The following DVL1 variants were observed in gnomAD, a reference collection of about 807,000 sequenced individuals.
DVL1 encodes segment polarity protein dishevelled homolog DVL-1.
DVL1 carries 49 observed loss-of-function variants against 65.0 expected under a neutral mutation model. The observed-to-expected ratio is 0.75, with a 90% CI of 0.60 to 0.96. DVL1 has a LOEUF of 0.96. DVL1 is among the 40% of genes least tolerant of loss of function. The probability of loss-of-function intolerance (pLI) is 0.00; values close to 1 mark genes in which losing one functional copy is unlikely to be tolerated. For synonymous variants in DVL1, 608 were observed against 433.9 expected (o/e 1.40, Z -4.99); for missense variants, 1,197 against 1,045.4 (o/e 1.15, Z -2.00).
chr1:1,336,240 G>C lies in DVL1; in HGVS notation c.1990C>G (p.Arg664Gly), dbSNP rs760024382. ...TCCGGGGGGACGGCAGCCAGCTCCCGGACAGGGGGTCCCCCGGGTGGCCCC... is the reference window on the plus strand; with the variant it reads ...TCCGGGGGGACGGCAGCCAGCTCCCCGACAGGGGGTCCCCCGGGTGGCCCC... The part of the protein sequence containing the change: ...VGGPPGGPPV[R>G]ELAAVPPELT... The change falls in exon 15 of 15, where the codon CGG becomes GGG. Residue 664 changes from arginine (R) to glycine (G), a missense_variant. Coordinates refer to ENST00000378888, the MANE Select transcript of DVL1 (RefSeq NM_001330311.2). 1 of 1,558,544 alleles carries C rather than the reference G, an allele frequency of 6.4e-7. No individual in the cohort carries two copies. Among genetic ancestry groups the C allele is most frequent in the Non-Finnish European group, 8.6e-7 (1 of 1,157,682 alleles).
At chr1:1,348,113 G>A (rs1458513110) in intron 1 of DVL1, among the ~76,000 whole-genome samples, 1 of 152,206 alleles carries the variant, frequency 6.6e-6, no homozygotes, top group African/African-American at 2.4e-5. Context: ...AGGGACTCAG[G>A]TTACTGGTGG....
chr1:1,336,456 G>C lies in DVL1; in HGVS notation c.1774C>G (p.Arg592Gly). Residue 592 changes from arginine (R) to glycine (G), a missense_variant, in exon 15 of 15, where the codon CGT becomes GGT. By Grantham distance (125) the Arg-to-Gly change is moderately radical (BLOSUM62 -2). Transcript: ENST00000378888. ...SRRAPGREKE[R>G]RAAGAGGSGS... ...CTGCCCCCAGCTCCCGCCGCCCGAC[G>C]CTCCTTCTCACGGCCCGGGGCCCGG... The C allele has an allele frequency of 1.9e-6, 3 of 1,569,374 alleles. No homozygotes were observed. The highest frequency in any genetic ancestry group is 1.7e-6 in the Non-Finnish European group (2 of 1,165,650).
Position 1,339,553 on chromosome 1 carries a change from CCGCCCCGTGTGCCCCGAGGGCCACT to C in DVL1, c.1054+4_1054+28del, listed in dbSNP as rs1643712531. ...GCTAGGTAGGCGCCCCCTCCCCATCCCGCCCCGTGTGCCCCGAGGGCCACTCACCCCGTGGGACGGTGAAGTAGCT... is the reference window on the plus strand; with the variant it reads ...GCTAGGTAGGCGCCCCCTCCCCATCCCACCCCGTGGGACGGTGAAGTAGCT... On this transcript the variant is annotated splice_donor_5th_base_variant and intron_variant, in intron 10 of 14. Transcript: ENST00000378888. 1 of 1,585,354 alleles carries C rather than the reference CCGCCCCGTGTGCCCCGAGGGCCACT, an allele frequency of 6.3e-7. No individual in the cohort carries two copies. The highest frequency in any genetic ancestry group is 8.6e-7 in the Non-Finnish European group (1 of 1,166,712).
chr1:1,343,673 T>C (rs1016478340), intron 1 of DVL1, among the ~76,000 whole-genome samples: 1 of 151,882 alleles, frequency 6.6e-6, no homozygotes, highest in African/African-American at 2.4e-5. Flanking sequence ...CCTGCACCCC[T>C]AGTCAGGCTC....
intron 1 of DVL1, among the ~76,000 whole-genome samples, chr1:1,346,413 C>A (rs909548139): frequency 6.6e-6 from 1 of 152,196 alleles, no homozygotes; most frequent in Non-Finnish European, 1.5e-5. Context: ...CAGTGGGGAC[C>A]CGGAGCCAAA....
intron 5 of DVL1, among the ~76,000 whole-genome samples, chr1:1,340,919 C>A (rs377660686): frequency 5.4e-5 from 8 of 148,344 alleles, no homozygotes; most frequent in African/African-American, 1.8e-4. Flanking sequence ...ACACGCACAC[C>A]TGCACACGCA....
intron 11 of DVL1, among the ~76,000 whole-genome samples, 198 bp from the exon 12 acceptor site, chr1:1,338,851 C>T (rs1643682543): frequency 6.6e-6 from 1 of 152,218 alleles, no homozygotes; most frequent in South Asian, 2.1e-4. Flanking sequence ...GACATTTAGT[C>T]TCCCACTTCT....
Position 1,336,064 on chromosome 1 carries a change from G to A in DVL1, c.*78C>T. ...TGCCTCCCGTCCTGGCCCCCACGAA[G>A]GCAAGCCCACGCGAGCTCTGCATGC... On this transcript the variant is annotated 3_prime_UTR_variant, in exon 15 of 15. Coordinates refer to ENST00000378888, the MANE Select transcript of DVL1 (RefSeq NM_001330311.2). The A allele has an allele frequency of 6.6e-7, 1 of 1,516,130 alleles. No homozygotes were observed. The highest frequency in any genetic ancestry group is 8.8e-7 in the Non-Finnish European group (1 of 1,134,144). 93.9% of individuals were successfully genotyped at this position (1,516,130 alleles called of 1,614,324 possible).
At chr1:1,341,317 C>A (rs573181222) in intron 5 of DVL1, among the ~76,000 whole-genome samples, 19 of 152,236 alleles carry the variant, frequency 1.2e-4, no homozygotes, top group African/African-American at 4.6e-4. Context: ...CACACACAGA[C>A]ATGCGCATCA....
Position 1,342,387 on chromosome 1 carries a change from C to G in DVL1, c.338G>C (p.Gly113Ala). ...CTGGAAGGAGGGGGGCCGGGAGTCC[C>G]CGATGCCGCCTGTCCGCTCAAGAGG... ...PPPLERTGGI[G>A]DSRPPSFHPN... Residue 113 changes from glycine to alanine, a missense_variant, in exon 3 of 15, where the codon GGG (glycine) becomes GCG (alanine). Coordinates refer to ENST00000378888, the MANE Select transcript of DVL1 (RefSeq NM_001330311.2). 6.3e-7 allele frequency: 1 copy of G among 1,587,000 alleles called. No individual in the cohort carries two copies. The highest frequency in any genetic ancestry group is 8.6e-7 in the Non-Finnish European group (1 of 1,168,336).
intron 1 of DVL1, among the ~76,000 whole-genome samples, chr1:1,346,994 G>C (rs1218186608): frequency 6.6e-6 from 1 of 152,160 alleles, no homozygotes; most frequent in Non-Finnish European, 1.5e-5. Context: ...GAGGTCTGCG[G>C]GTAGAACTCA....
intron 14 of DVL1, 45 bp from the exon 15 acceptor site, chr1:1,336,560 C>A (rs149812757): frequency 6.8e-7 from 1 of 1,480,542 alleles, no homozygotes; most frequent in Non-Finnish European, 8.9e-7. Context: ...CAGCACCAGG[C>A]CCGGCCACGT....
chr1:1,336,217 CG>C lies in DVL1; in HGVS notation c.2012del (p.Pro671ArgfsTer3). 2 of 1,558,802 alleles carry C rather than the reference CG, an allele frequency of 1.3e-6. No individual in the cohort carries two copies. Among genetic ancestry groups the C allele is most frequent in the South Asian group, 1.2e-5 (1 of 86,188 alleles). On this transcript the variant is annotated frameshift_variant, in exon 15 of 15. Transcript: ENST00000378888. LOFTEE classifies it high-confidence loss of function. ...PPVRELAAVP[P>X]ELTGSRQSFQ... ...AGGACTGGCGGCTGCCTGTCAATTC[CG>C]GGGGGACGGCAGCCAGCTCCCGGAC...
At position 1,339,584 on chromosome 1, in the gene DVL1, C is replaced by G; in HGVS notation, c.1052G>C (p.Arg351Pro). ...PTPRSYFTVP[R>P]ADPVRPIDPA... ...CGTGTGCCCCGAGGGCCACTCACCC[C>G]GTGGGACGGTGAAGTAGCTTCGGGG... The change falls in exon 10 of 15, where the codon CGG (arginine) becomes CCG (proline). Residue 351 changes from arginine to proline, a missense_variant and splice_region_variant. By Grantham distance (103) the Arg-to-Pro change is moderately radical. Transcript: ENST00000378888. 6.2e-7 allele frequency: 1 copy of G among 1,606,262 alleles called. No homozygotes were observed. Among genetic ancestry groups the G allele is most frequent in the South Asian group, 1.1e-5 (1 of 90,314 alleles).
At position 1,338,576 on chromosome 1, in the gene DVL1, G is replaced by A. The variant is rs770238250; in HGVS notation, c.1285C>T (p.Leu429=). 4.3e-6 allele frequency: 7 copies of A among 1,612,476 alleles called. No homozygotes were observed. The highest frequency in any genetic ancestry group is 4.2e-6 in the Non-Finnish European group (5 of 1,179,868). ...AGCCACATGCGGTCGCGGATCTCCAGTCCCGAGTCTGGCAGCTGCATGACC... is the reference window on the plus strand; with the variant it reads ...AGCCACATGCGGTCGCGGATCTCCAATCCCGAGTCTGGCAGCTGCATGACC... ...VRVMQLPDSG[L]EIRDRMWLKI... is the part of the protein sequence containing the mutation. Residue 429 remains leucine, a synonymous_variant, in exon 12 of 15, where the codon CTG becomes TTG. Transcript: ENST00000378888.
chr1:1,344,618 G>A (rs1399383145), intron 1 of DVL1, among the ~76,000 whole-genome samples: 1 of 152,142 alleles, frequency 6.6e-6, no homozygotes, highest in Non-Finnish European at 1.5e-5. Context: ...CCAAAGAGCA[G>A]AGAAGGTCAC....
chr1:1,340,439 T>G lies in DVL1; in HGVS notation c.670A>C (p.Arg224=), dbSNP rs1210327416. 1 of 1,612,276 alleles carries G rather than the reference T, an allele frequency of 6.2e-7. No homozygotes were observed. Among genetic ancestry groups the G allele is most frequent in the Non-Finnish European group, 8.5e-7 (1 of 1,179,426 alleles). ...TCCGCCTGCCGAAGGCGCTGCTTCCTCCGCCGGCGTTTGTGCTTCCGGATG... is the reference window on the plus strand; with the variant it reads ...TCCGCCTGCCGAAGGCGCTGCTTCCGCCGCCGGCGTTTGTGCTTCCGGATG... ...RLIRKHKRRR[R]KQRLRQADRA... The change falls in exon 6 of 15, where the codon AGG becomes CGG. Residue 224 remains arginine, a synonymous_variant. Transcript: ENST00000378888.
In DVL1 at chr1:1,341,793, T is replaced by C. The variant is rs1206456756; in HGVS notation, c.479A>G (p.Asn160Ser). ...CCGTCGGTCTCCCCTTGGGTGCCCATTGGTCCGGGCGGCTGTGGGGGCAGC... is the reference window on the plus strand; with the variant it reads ...CCGTCGGTCTCCCCTTGGGTGCCCACTGGTCCGGGCGGCTGTGGGGGCAGC... Reference protein sequence around the residue: ...RRNREEAARTNGHPRGDRRRD... With the variant: ...RRNREEAARTSGHPRGDRRRD... Residue 160 changes from asparagine (N) to serine (S), a missense_variant, in exon 5 of 15, where the codon AAT (asparagine) becomes AGT (serine). Physicochemically the swap from Asn to Ser is conservative, Grantham distance 46. Transcript: ENST00000378888. The C allele has an allele frequency of 1.9e-6, 3 of 1,591,796 alleles. No individual in the cohort carries two copies. Among genetic ancestry groups the C allele is most frequent in the Non-Finnish European group, 2.6e-6 (3 of 1,166,764 alleles).
rs770915923 is a variant in DVL1, at chr1:1,338,179, G to A, written c.1512C>T (p.Leu504=). The A allele has an allele frequency of 2.1e-5, 34 of 1,603,526 alleles. No individual in the cohort carries two copies. Among genetic ancestry groups the A allele is most frequent in the Middle Eastern group, 1.7e-4 (1 of 6,012 alleles). The change falls in exon 14 of 15, where the codon CTC becomes CTT. Residue 504 remains leucine (L), a synonymous_variant. Transcript: ENST00000378888. ...AGCCACTGTTGAGGTTCAGGGTGGC[G>A]AGATCTGGCGGGGGAGGGTAGGTGA... ...YYVFGDLCSN[L]ATLNLNSGSS... is the part of the protein sequence containing the mutation.
Sources: allele counts gnomAD v4.1 joint callset (sites outside exome capture counted in the v4.1 genomes callset), GRCh38; gene constraint gnomAD v4.1.1; transcripts MANE v1.5; gene names NCBI Gene and HGNC (gene_info 2026-07-23, HGNC 2026-07-21).